Variants in UNC5C observed in about 807,000 individuals in gnomAD.
The protein encoded by UNC5C is netrin receptor UNC5C.
In UNC5C, 47 loss-of-function variants were observed where a neutral mutation model predicts 99.8. The observed-to-expected ratio is 0.47, with a 90% CI of 0.37 to 0.60. The LOEUF (loss-of-function observed/expected upper bound fraction) is 0.60, where lower values mean the gene tolerates loss of function less well. UNC5C is among the 20% of genes least tolerant of loss of function. UNC5C has a pLI of 0.00. For missense variants in UNC5C, 1,062 were observed against 1,165.9 expected, an observed-to-expected ratio of 0.91 and a Z score of 1.30; for synonymous variants, 487 against 452.2, an observed-to-expected ratio of 1.08 and a Z score of -0.98.
chr4:95,385,731 C>T (rs1402296681), intron 1 of UNC5C, among the ~76,000 whole-genome samples: 1 of 152,152 alleles, frequency 6.6e-6, no homozygotes, highest in Non-Finnish European at 1.5e-5. Context: ...AGACAGACTA[C>T]ATGGAGGTTT....
intron 1 of UNC5C, among the ~76,000 whole-genome samples, chr4:95,536,082 A>ATATATATATATATTTTTT (rs1180330785): frequency 1.3e-5 from 1 of 78,452 alleles, no homozygotes; most frequent in East Asian, 2.8e-4. Flanking sequence ...ATATATATAT[A>ATATATATATATATTTTTT]TTTTTTTTTT....
intron 1 of UNC5C, among the ~76,000 whole-genome samples, chr4:95,520,867 G>A (rs1038137627): frequency 2.6e-5 from 4 of 151,982 alleles, no homozygotes; most frequent in Non-Finnish European, 5.9e-5. Context: ...CCAAAGTGCT[G>A]GGATTACAAG....
intron 1 of UNC5C, among the ~76,000 whole-genome samples, chr4:95,390,211 T>G (rs1490720928): frequency 1.3e-5 from 2 of 152,146 alleles, no homozygotes; most frequent in Non-Finnish European, 2.9e-5. Context: ...TGACTTCAGA[T>G]AGGACTGGTA....
intron 7 of UNC5C, 89 bp from the exon 8 acceptor site, chr4:95,220,265 A>G: frequency 8.2e-7 from 1 of 1,214,510 alleles, no homozygotes; most frequent in Non-Finnish European, 1.1e-6. Context: ...TCAGACATTT[A>G]CTGCCTTTTT....
At chr4:95,175,684 CTTCAT>C (rs1248223266) in intron 14 of UNC5C, among the ~76,000 whole-genome samples, 1 of 152,106 alleles carries the variant, frequency 6.6e-6, no homozygotes, top group Non-Finnish European at 1.5e-5. Context: ...ACATTTTTTC[CTTCAT>C]TTCAACTTTG....
chr4:95,255,657 T>C (rs1027287783), intron 4 of UNC5C, among the ~76,000 whole-genome samples: 1 of 152,144 alleles, frequency 6.6e-6, no homozygotes, highest in African/African-American at 2.4e-5. Context: ...GTCTCGCTCT[T>C]CTATTCAAGG....
At chr4:95,347,326 C>G (rs1432308210) in intron 1 of UNC5C, among the ~76,000 whole-genome samples, 1 of 151,902 alleles carries the variant, frequency 6.6e-6, no homozygotes, top group Non-Finnish European at 1.5e-5. Flanking sequence ...GTTAAAATGT[C>G]CATACTACCC....
intron 1 of UNC5C, among the ~76,000 whole-genome samples, chr4:95,355,295 A>G (rs1744142059): frequency 6.6e-6 from 1 of 152,170 alleles, no homozygotes; most frequent in Non-Finnish European, 1.5e-5. Flanking sequence ...TAAGATATCC[A>G]CATATAAAAA....
intron 12 of UNC5C, among the ~76,000 whole-genome samples, chr4:95,186,513 C>G (rs1278721222): frequency 6.6e-6 from 1 of 152,192 alleles, no homozygotes; most frequent in African/African-American, 2.4e-5. Context: ...TCATTGATTA[C>G]ATGCAAACAG....
chr4:95,393,338 T>A (rs1400543041), intron 1 of UNC5C, among the ~76,000 whole-genome samples: 1 of 152,202 alleles, frequency 6.6e-6, no homozygotes, highest in Non-Finnish European at 1.5e-5. Flanking sequence ...GATGGAACTT[T>A]CGTGACCCAG....
chr4:95,293,232 C>T (rs2149400830), intron 3 of UNC5C, among the ~76,000 whole-genome samples: 1 of 140,788 alleles, frequency 7.1e-6, no homozygotes, highest in South Asian at 2.2e-4. Flanking sequence ...GCAGACAAAG[C>T]AATAAGAAGA....
chr4:95,307,649 C>T (rs1264393865), intron 2 of UNC5C, among the ~76,000 whole-genome samples: 1 of 152,144 alleles, frequency 6.6e-6, no homozygotes, highest in African/African-American at 2.4e-5. Flanking sequence ...TTACCAAAAC[C>T]TGCTGAGGAC....
chr4:95,441,672 TATGTA>T (rs1469185039), intron 1 of UNC5C, among the ~76,000 whole-genome samples: 6 of 152,186 alleles, frequency 3.9e-5, no homozygotes, highest in African/African-American at 7.2e-5. Flanking sequence ...ACACATAATA[TATGTA>T]ATGTAACTAA....
chr4:95,544,711 T>G (rs1446441509), intron 1 of UNC5C, among the ~76,000 whole-genome samples: 2 of 152,230 alleles, frequency 1.3e-5, no homozygotes, highest in Non-Finnish European at 2.9e-5. Flanking sequence ...TTGTTTCTAA[T>G]TTGTGAGGAA....
At chr4:95,356,303 T>C (rs752512105) in intron 1 of UNC5C, among the ~76,000 whole-genome samples, 7 of 151,908 alleles carry the variant, frequency 4.6e-5, no homozygotes, top group Non-Finnish European at 8.8e-5. Context: ...TCTCTCCCTA[T>C]TAAAATTTAG....
chr4:95,264,319 G>T (rs1385413504), intron 4 of UNC5C, among the ~76,000 whole-genome samples: 1 of 152,138 alleles, frequency 6.6e-6, no homozygotes, highest in African/African-American at 2.4e-5. Flanking sequence ...ATGCCCAATT[G>T]AAATCTTGCA....
intron 1 of UNC5C, among the ~76,000 whole-genome samples, chr4:95,399,403 CAA>C (rs1418752673): frequency 6.6e-6 from 1 of 152,116 alleles, no homozygotes; most frequent in Non-Finnish European, 1.5e-5. Context: ...TTTAAAAATG[CAA>C]AAGATTGTTT....
At chr4:95,361,650 G>A (rs898170520) in intron 1 of UNC5C, among the ~76,000 whole-genome samples, 5 of 152,064 alleles carry the variant, frequency 3.3e-5, no homozygotes, top group African/African-American at 1.2e-4. Context: ...CCAAATCAAA[G>A]CAAACAAAAC....
intron 1 of UNC5C, among the ~76,000 whole-genome samples, chr4:95,403,751 G>T (rs1009478450): frequency 6.6e-6 from 1 of 152,126 alleles, no homozygotes; most frequent in Non-Finnish European, 1.5e-5. Context: ...CTTGTTTCAA[G>T]AATTTGCTTT....
Sources: allele counts gnomAD v4.1 joint callset (sites outside exome capture counted in the v4.1 genomes callset), GRCh38; gene constraint gnomAD v4.1.1; transcripts MANE v1.5; gene names NCBI Gene and HGNC (gene_info 2026-07-23, HGNC 2026-07-21).